The following SUFU variants were observed in gnomAD, a reference collection of about 807,000 sequenced individuals.
SUFU encodes SUFU negative regulator of hedgehog signaling.
In SUFU, 7 loss-of-function variants were observed where a neutral mutation model predicts 58.9. The observed-to-expected ratio is 0.12, with a 90% CI of 0.07 to 0.22. SUFU has a LOEUF of 0.22. SUFU is among the 10% of genes least tolerant of loss of function. The pLI is 1.00. For missense variants in SUFU, 451 were observed against 641.3 expected, an observed-to-expected ratio of 0.70 and a Z score of 3.20; for synonymous variants, 232 against 254.8, an observed-to-expected ratio of 0.91 and a Z score of 0.85.
chr10:102,615,348 G>A lies in SUFU; in HGVS notation c.1103G>A (p.Ser368Asn). The A allele has an allele frequency of 1.2e-6, 2 of 1,614,160 alleles. No homozygotes were observed. Among genetic ancestry groups the A allele is most frequent in the Non-Finnish European group, 1.7e-6 (2 of 1,180,026 alleles). The stretch of plus-strand genomic sequence containing the variant: ...CTGATTCGCACGCGGCAGCTTGAGA[G>A]CGTACATCTGAAATTCAACCAGGAG... Reference protein sequence around the residue: ...HELIRTRQLESVHLKFNQESG... With the variant: ...HELIRTRQLENVHLKFNQESG... The change falls in exon 9 of 12, where the codon AGC becomes AAC. Residue 368 changes from serine to asparagine, a missense_variant. Ser to Asn is a conservative substitution (Grantham distance 46, BLOSUM62 1). Transcript: ENST00000369902.
chr10:102,610,392 C>CAAAAAAAAAAAAAAA (rs541858690), intron 8 of SUFU, among the ~76,000 whole-genome samples: 1 of 123,984 alleles, frequency 8.1e-6, no homozygotes, highest in Admixed American at 8.7e-5. Flanking sequence ...GACTCTGTCT[C>CAAAAAAAAAAAAAAA]AAAAAAAAAA....
At chr10:102,575,217 A>AT (rs1413430106) in intron 3 of SUFU, among the ~76,000 whole-genome samples, 7 of 152,120 alleles carry the variant, frequency 4.6e-5, no homozygotes, top group Non-Finnish European at 2.9e-5. Context: ...TTGTCTCAAA[A>AT]TTTTTTTAAA....
At chr10:102,545,285 A>C (rs1564674458) in intron 2 of SUFU, among the ~76,000 whole-genome samples, 1 of 125,038 alleles carries the variant, frequency 8.0e-6, no homozygotes, top group Non-Finnish European at 1.7e-5. Flanking sequence ...TGCCTGGCTA[A>C]TTTTTGTATT....
At chr10:102,504,605 C>T (rs1361588283) in intron 1 of SUFU, among the ~76,000 whole-genome samples, 1 of 141,236 alleles carries the variant, frequency 7.1e-6, no homozygotes, top group Non-Finnish European at 1.5e-5. Context: ...GGGGGAACGG[C>T]AGGAGCGAGG....
chr10:102,516,359 G>A (rs2135646939), intron 2 of SUFU, among the ~76,000 whole-genome samples: 1 of 151,970 alleles, frequency 6.6e-6, no homozygotes, highest in South Asian at 2.1e-4. Flanking sequence ...CTTTTCTTTT[G>A]TAGCTACAGG....
At chr10:102,623,083 A>G (rs979466931) in intron 10 of SUFU, among the ~76,000 whole-genome samples, 1 of 151,352 alleles carries the variant, frequency 6.6e-6, no homozygotes, top group African/African-American at 2.4e-5. Context: ...TAGCATCGCC[A>G]TATTTTCAGA....
At chr10:102,541,947 C>T (rs1170798769) in intron 2 of SUFU, among the ~76,000 whole-genome samples, 2 of 138,672 alleles carry the variant, frequency 1.4e-5, no homozygotes, top group African/African-American at 5.4e-5. Context: ...AATGATGGTG[C>T]GATCTTGGCT....
intron 2 of SUFU, among the ~76,000 whole-genome samples, chr10:102,545,831 G>A (rs1290544386): frequency 6.6e-6 from 1 of 152,134 alleles, no homozygotes; most frequent in African/African-American, 2.4e-5. Flanking sequence ...AAAGTCAGCT[G>A]GGTGTGGTGG....
chr10:102,561,728 G>A (rs1040444070), intron 3 of SUFU, among the ~76,000 whole-genome samples: 1 of 144,808 alleles, frequency 6.9e-6, no homozygotes, highest in Non-Finnish European at 1.5e-5. Context: ...GAGTCCAGTG[G>A]TACGATTATG....
chr10:102,565,489 G>T (rs2063077821), intron 3 of SUFU, among the ~76,000 whole-genome samples: 1 of 152,188 alleles, frequency 6.6e-6, no homozygotes, highest in East Asian at 1.9e-4. Flanking sequence ...GCTTCTATAG[G>T]TCTGTATCCT....
intron 3 of SUFU, among the ~76,000 whole-genome samples, chr10:102,566,332 A>C (rs763933170): frequency 6.6e-5 from 10 of 152,172 alleles, no homozygotes; most frequent in Non-Finnish European, 1.0e-4. Context: ...ACATAGAAAC[A>C]ATCAATATTA....
chr10:102,565,008 C>G (rs2063073272), intron 3 of SUFU, among the ~76,000 whole-genome samples: 1 of 152,190 alleles, frequency 6.6e-6, no homozygotes, highest in Admixed American at 6.6e-5. Context: ...ATATATAAAT[C>G]TGGGTATTTT....
intron 7 of SUFU, among the ~76,000 whole-genome samples, chr10:102,598,787 A>G (rs1272790085): frequency 6.6e-6 from 1 of 152,196 alleles, no homozygotes; most frequent in Non-Finnish European, 1.5e-5. Context: ...CCAAATCTCA[A>G]TACAGGGGAC....
intron 2 of SUFU, among the ~76,000 whole-genome samples, chr10:102,534,326 C>T (rs922401888): frequency 1.3e-5 from 2 of 152,090 alleles, no homozygotes; most frequent in South Asian, 2.1e-4. Flanking sequence ...ACTTGGGAGG[C>T]GGAGGCAGGA....
intron 8 of SUFU, among the ~76,000 whole-genome samples, chr10:102,612,169 T>TTGTGTGTGTGTGTG (rs34032732): frequency 2.0e-4 from 29 of 148,230 alleles, no homozygotes. Context: ...AACTGGGTTC[T>TTGTGTGTGTGTGTG]TGTGTGTGTG....
chr10:102,540,569 T>C (rs1246145792), intron 2 of SUFU, among the ~76,000 whole-genome samples: 1 of 151,926 alleles, frequency 6.6e-6, no homozygotes, highest in Non-Finnish European at 1.5e-5. Context: ...GAGAATCACT[T>C]GAACCTGGGA....
At chr10:102,581,148 C>T (rs1281218837) in intron 3 of SUFU, among the ~76,000 whole-genome samples, 1 of 133,300 alleles carries the variant, frequency 7.5e-6, no homozygotes, top group Non-Finnish European at 1.5e-5. Flanking sequence ...TCATTGCACT[C>T]CAGCCTGGGC....
chr10:102,559,413 C>G (rs899063241), intron 3 of SUFU, among the ~76,000 whole-genome samples: 1 of 152,232 alleles, frequency 6.6e-6, no homozygotes, highest in Non-Finnish European at 1.5e-5. Context: ...TCAGAGGAAC[C>G]TTGCCTATTG....
At chr10:102,559,845 G>A (rs957570346) in intron 3 of SUFU, among the ~76,000 whole-genome samples, 12 of 152,190 alleles carry the variant, frequency 7.9e-5, no homozygotes, top group African/African-American at 2.7e-4. Flanking sequence ...AATTTCATTT[G>A]CGTTTTTAGG....
Sources: gnomAD v4.1 joint callset for allele counts (sites outside exome capture counted in the v4.1 genomes callset) on GRCh38, gnomAD v4.1.1 for gene constraint, MANE v1.5 for transcripts, NCBI Gene and HGNC (gene_info 2026-07-23, HGNC 2026-07-21) for gene names.